Variants in NHERF4 observed in about 807,000 individuals in gnomAD.
NHERF4 encodes the protein Na(+)/H(+) exchange regulatory cofactor NHE-RF4.
chr11:119,187,517 G>A, the NHERF4 span: 24 of 1,613,066 alleles, frequency 1.5e-5, 1 homozygote, highest in South Asian at 2.5e-4. Context: ...CCCTGTTCAG[G>A]GCAGGCAGGA....
At chr11:119,189,564 C>T in the NHERF4 span, 2 of 1,540,446 alleles carry the variant, frequency 1.3e-6, no homozygotes, top group Admixed American at 1.7e-5. This position sits in a 1 kb window ranked among gnomAD's most constrained non-coding sequence, Gnocchi z 5.8. Context: ...GTGGTGAAGG[C>T]AGGATGCTCT....
the NHERF4 span, chr11:119,185,804 G>C: frequency 7.5e-7 from 1 of 1,330,094 alleles, no homozygotes; most frequent in Admixed American, 1.8e-5. Flanking sequence ...GAGCAGAAAG[G>C]AGGGGGCATG....
the NHERF4 span, chr11:119,189,517 A>C: frequency 1.2e-6 from 2 of 1,612,584 alleles, no homozygotes; most frequent in African/African-American, 1.3e-5. The surrounding 1 kb of genome is among the most constrained non-coding windows in gnomAD (Gnocchi z 5.8). Context: ...GTACAGACAT[A>C]CTCAGGGGCT....
the NHERF4 span, chr11:119,188,095 G>A: frequency 6.5e-7 from 1 of 1,550,136 alleles, no homozygotes; most frequent in Non-Finnish European, 8.7e-7. Flanking sequence ...AAGGGCCCCA[G>A]GGTTTTGGGT....
the NHERF4 span, chr11:119,188,499 C>T: frequency 2.6e-5 from 42 of 1,607,086 alleles, no homozygotes; most frequent in East Asian, 9.1e-4. Flanking sequence ...GGGCAGGGCT[C>T]CTGTGTCTCC....
At chr11:119,189,593 G>A in the NHERF4 span, 1 of 1,331,958 alleles carries the variant, frequency 7.5e-7, no homozygotes, top group Non-Finnish European at 1.1e-6. The surrounding 1 kb of genome is among the most constrained non-coding windows in gnomAD (Gnocchi z 5.8). Context: ...CAGACCAGAG[G>A]GACTCAGACA....
the NHERF4 span, chr11:119,189,649 C>T: frequency 2.3e-5 from 18 of 791,028 alleles, no homozygotes; most frequent in Admixed American, 4.0e-5. The surrounding 1 kb of genome is among the most constrained non-coding windows in gnomAD (Gnocchi z 5.8). Flanking sequence ...TTCCTGCAGG[C>T]CCACCTGCCA....
At chr11:119,188,556 G>C in the NHERF4 span, 5 of 1,600,744 alleles carry the variant, frequency 3.1e-6, no homozygotes, top group Non-Finnish European at 4.3e-6. Context: ...AGCATGGTGC[G>C]TGCTGAGGGG....
At chr11:119,189,603 A>G in the NHERF4 span, 1 of 1,236,190 alleles carries the variant, frequency 8.1e-7, no homozygotes, top group Non-Finnish European at 1.2e-6. This position sits in a 1 kb window ranked among gnomAD's most constrained non-coding sequence, Gnocchi z 5.8. Flanking sequence ...GGACTCAGAC[A>G]CCACCGATCA....
At chr11:119,188,765 C>A in the NHERF4 span, 1 of 1,614,192 alleles carries the variant, frequency 6.2e-7, no homozygotes, top group Admixed American at 1.7e-5. Flanking sequence ...TGCCTTCTGT[C>A]CCTCTTGGCT....
chr11:119,188,991 C>T, the NHERF4 span: 1 of 1,613,986 alleles, frequency 6.2e-7, no homozygotes, highest in Non-Finnish European at 8.5e-7. Context: ...TTCTGCATGC[C>T]CCCACAACAC....
chr11:119,186,503 G>C, the NHERF4 span: 1 of 1,614,128 alleles, frequency 6.2e-7, no homozygotes, highest in South Asian at 1.1e-5. This position sits in a 1 kb window ranked among gnomAD's most constrained non-coding sequence, Gnocchi z 4.4. Context: ...GAGCGGCCTC[G>C]CTTCTGTTTA....
At chr11:119,186,816 C>A in the NHERF4 span, 2 of 966,736 alleles carry the variant, frequency 2.1e-6, no homozygotes, top group Non-Finnish European at 3.0e-6. The surrounding 1 kb of genome is among the most constrained non-coding windows in gnomAD (Gnocchi z 4.4). Flanking sequence ...TAGAAGTGCC[C>A]AAGTCAGAGG....
the NHERF4 span, chr11:119,187,525 G>C: frequency 1.2e-6 from 2 of 1,612,372 alleles, no homozygotes; most frequent in African/African-American, 2.7e-5. Context: ...AGGGCAGGCA[G>C]GAAACAGACT....
the NHERF4 span, chr11:119,186,201 C>A: frequency 6.2e-7 from 1 of 1,614,008 alleles, no homozygotes; most frequent in Non-Finnish European, 8.5e-7. This position sits in a 1 kb window ranked among gnomAD's most constrained non-coding sequence, Gnocchi z 4.4. Context: ...ATTCCCTATC[C>A]CTGGAGGCAC....
At chr11:119,185,574 C>A in the NHERF4 span, 1 of 1,516,030 alleles carries the variant, frequency 6.6e-7, no homozygotes, top group Non-Finnish European at 9.2e-7. Context: ...GACTTGGAGG[C>A]TGAAGCTTTG....
the NHERF4 span, chr11:119,190,173 A>G: frequency 1.3e-5 from 13 of 1,003,748 alleles, no homozygotes; most frequent in East Asian, 3.0e-4. The surrounding 1 kb of genome is among the most constrained non-coding windows in gnomAD (Gnocchi z 4.2). Flanking sequence ...ACAAAAACAA[A>G]AAAAGAAGAA....
chr11:119,187,691 C>A, the NHERF4 span: 1 of 1,511,672 alleles, frequency 6.6e-7, no homozygotes, highest in Non-Finnish European at 8.8e-7. Flanking sequence ...ACAACCAACT[C>A]ACCAGGAAGG....
chr11:119,189,617 G>C, the NHERF4 span: 2 of 1,130,640 alleles, frequency 1.8e-6, no homozygotes, highest in South Asian at 1.3e-5. The surrounding 1 kb of genome is among the most constrained non-coding windows in gnomAD (Gnocchi z 5.8). Flanking sequence ...CCGATCACAG[G>C]CTGGCCCAGG....
Sources: gnomAD v4.1 joint callset for allele counts on GRCh38, gnomAD v4.1.1 for gene constraint, Gnocchi (gnomAD v3.1) non-coding constraint, MANE v1.5 for transcripts, NCBI Gene and HGNC (gene_info 2026-07-23, HGNC 2026-07-21) for gene names.